WWOX: variants seen among roughly 807,000 people sequenced by gnomAD.
WWOX encodes WW domain-containing oxidoreductase.
In WWOX, 69 loss-of-function variants were observed where a neutral mutation model predicts 46.2. That is an observed-to-expected ratio of 1.49 (90% CI 1.23 to 1.82). WWOX has a LOEUF of 1.82. WWOX is among the 40% of genes most tolerant of loss of function. WWOX has a pLI of 0.00. For missense variants in WWOX, 919 were observed against 542.6 expected (o/e 1.69, Z -6.89); for synonymous variants, 359 against 202.6 (o/e 1.77, Z -6.56).
At chr16:79,181,656 C>G (rs1428317432) in intron 8 of WWOX, among the ~76,000 whole-genome samples, 1 of 152,064 alleles carries the variant, frequency 6.6e-6, no homozygotes, top group East Asian at 1.9e-4. Context: ...GTATCCAGTT[C>G]TTTGCTTTGA....
intron 8 of WWOX, among the ~76,000 whole-genome samples, chr16:78,819,831 G>A (rs147876869): frequency 1.4e-3 from 212 of 152,334 alleles, no homozygotes; most frequent in African/African-American, 4.9e-3. Context: ...AAGAGCTTAC[G>A]TGTTTGCGCC....
At position 78,517,686 on chromosome 16, in the gene WWOX, A is replaced by T. The variant is rs1234486579; in HGVS notation, c.1056+84934A>T. The stretch of plus-strand genomic sequence containing the variant: ...CTGGTGGAAGCGCGAGGTGGTGAGG[A>T]TGGAAAGGGCATGCGTTGACTTCAT... On this transcript the variant is annotated intron_variant, in intron 8 of 8. Coordinates refer to ENST00000566780, the MANE Select transcript of WWOX (RefSeq NM_016373.4). Among the ~76,000 whole-genome samples, 4 of 152,064 alleles carry T rather than the reference A, an allele frequency of 2.6e-5. No individual in the cohort carries two copies. The East Asian group carries it at 5.8e-4, about 22-fold the overall frequency.
At chr16:79,076,698 G>C (rs1356639542) in intron 8 of WWOX, among the ~76,000 whole-genome samples, 4 of 152,188 alleles carry the variant, frequency 2.6e-5, no homozygotes, top group African/African-American at 4.8e-5. Flanking sequence ...TTCGTCTTTA[G>C]CCCCCCACTT....
In WWOX at chr16:78,594,429, G is replaced by GCCTCCCCCC. The variant is rs1171391505; in HGVS notation, c.1056+161679_1056+161680insTCCCCCCCC. Among the ~76,000 whole-genome samples the GCCTCCCCCC allele has an allele frequency of 2.2e-4, 7 of 32,392 alleles. 1 individual carries two copies. Among genetic ancestry groups the GCCTCCCCCC allele is most frequent in the Non-Finnish European group, 3.1e-4 (6 of 19,080 alleles). 21.3% of individuals were successfully genotyped at this position (32,392 alleles called of 152,430 possible). A position where few individuals can be genotyped will look rare whatever the true frequency, so the allele number is the denominator to read the frequency against. On this transcript the variant is annotated intron_variant, in intron 8 of 8. Coordinates refer to ENST00000566780, the MANE Select transcript of WWOX (RefSeq NM_016373.4). The stretch of plus-strand genomic sequence containing the variant: ...TCTTGACGAAGAAGACTGAGGAAAG[G>GCCTCCCCCC]CCCCCCCCCCCCCCCCGCCAAATTG...
At chr16:78,734,840 C>CTTTTTTTTTTTTTTTTTTTTTTTTTTT (rs1567524279) in intron 8 of WWOX, among the ~76,000 whole-genome samples, 1 of 61,698 alleles carries the variant, frequency 1.6e-5, no homozygotes, top group Non-Finnish European at 3.4e-5. Flanking sequence ...GGACTTCAGT[C>CTTTTTTTTTTTTTTTTTTTTTTTTTTT]CTTTTTTTTT....
chr16:78,700,291 G>T (rs1157352231), intron 8 of WWOX, among the ~76,000 whole-genome samples: 3 of 145,492 alleles, frequency 2.1e-5, no homozygotes, highest in African/African-American at 7.6e-5. Context: ...CTGCCTTCTT[G>T]CTGTGTCCTC....
chr16:78,326,967 T>G (rs991799385), intron 5 of WWOX, among the ~76,000 whole-genome samples: 1 of 152,142 alleles, frequency 6.6e-6, no homozygotes, highest in African/African-American at 2.4e-5. Context: ...TCTTGCTGCT[T>G]TTTCTGAAGT....
At chr16:78,887,087 T>G (rs1352673760) in intron 8 of WWOX, among the ~76,000 whole-genome samples, 1 of 16,642 alleles carries the variant, frequency 6.0e-5, no homozygotes, top group African/African-American at 7.2e-5. Context: ...GGTGTGTGTG[T>G]GTGTGTGTGT....
intron 4 of WWOX, among the ~76,000 whole-genome samples, chr16:78,152,436 C>T (rs988317373): frequency 2.0e-5 from 3 of 152,156 alleles, no homozygotes; most frequent in African/African-American, 7.2e-5. Context: ...GGTCAAAGAG[C>T]ATGTCCACTT....
At chr16:78,840,487 G>A (rs190175803) in intron 8 of WWOX, among the ~76,000 whole-genome samples, 1 of 152,286 alleles carries the variant, frequency 6.6e-6, no homozygotes, top group Non-Finnish European at 1.5e-5. Context: ...CCACTACTTA[G>A]GGAGGCTAAT....
intron 8 of WWOX, among the ~76,000 whole-genome samples, chr16:79,123,243 C>T (rs1398146215): frequency 1.3e-5 from 2 of 152,164 alleles, no homozygotes; most frequent in Non-Finnish European, 2.9e-5. Flanking sequence ...TTGCCTGACT[C>T]TGTCCTCGGT....
intron 8 of WWOX, among the ~76,000 whole-genome samples, chr16:78,768,051 C>G (rs560134248): frequency 1.3e-5 from 2 of 151,888 alleles, no homozygotes; most frequent in Non-Finnish European, 2.9e-5. Context: ...GGTTGGTATT[C>G]CACCCCCTGT....
intron 8 of WWOX, among the ~76,000 whole-genome samples, chr16:78,779,237 C>G (rs952450557): frequency 2.0e-5 from 3 of 152,184 alleles, no homozygotes; most frequent in South Asian, 2.1e-4. Flanking sequence ...ATCTGCCTCC[C>G]TGGCTCAAGG....
At chr16:78,715,398 G>A (rs1244921978) in intron 8 of WWOX, among the ~76,000 whole-genome samples, 1 of 152,114 alleles carries the variant, frequency 6.6e-6, no homozygotes, top group Admixed American at 6.6e-5. Context: ...ATCGTAGATG[G>A]CCACCACAGG....
At chr16:78,454,449 T>G (rs1314246101) in intron 8 of WWOX, among the ~76,000 whole-genome samples, 1 of 151,486 alleles carries the variant, frequency 6.6e-6, no homozygotes, top group Non-Finnish European at 1.5e-5. Flanking sequence ...ATCTGAGCAG[T>G]GTCCTGCTGT....
chr16:78,202,818 T>A (rs939124148), intron 5 of WWOX, among the ~76,000 whole-genome samples: 4 of 151,824 alleles, frequency 2.6e-5, no homozygotes, highest in African/African-American at 9.6e-5. Flanking sequence ...GTGGGTTTTT[T>A]TTTTTTTGTC....
intron 5 of WWOX, among the ~76,000 whole-genome samples, chr16:78,272,080 A>G (rs1267890714): frequency 1.3e-5 from 2 of 152,228 alleles, no homozygotes. Flanking sequence ...TAGCCGCATA[A>G]TACATTACCC....
intron 8 of WWOX, among the ~76,000 whole-genome samples, chr16:79,075,579 G>C (rs567045870): frequency 1.3e-5 from 2 of 150,270 alleles, no homozygotes; most frequent in Non-Finnish European, 2.9e-5. Flanking sequence ...TTTAGACGGA[G>C]TCTTGCTCTG....
chr16:78,825,026 C>A (rs2051610168), intron 8 of WWOX, among the ~76,000 whole-genome samples: 1 of 152,158 alleles, frequency 6.6e-6, no homozygotes. Flanking sequence ...GTTTCTCTCT[C>A]ACCATCCCCT....
Sources: allele counts gnomAD v4.1 joint callset (sites outside exome capture counted in the v4.1 genomes callset), GRCh38; gene constraint gnomAD v4.1.1; transcripts MANE v1.5; gene names NCBI Gene and HGNC (gene_info 2026-07-23, HGNC 2026-07-21).